Variants in ANK3 observed in about 807,000 individuals in gnomAD.
ANK3 encodes ankyrin 3.
Under a neutral mutation model 370.9 loss-of-function variants are expected in ANK3, and 57 were observed. That is an observed-to-expected ratio of 0.15 (90% CI 0.12 to 0.19). The LOEUF (loss-of-function observed/expected upper bound fraction) is 0.19, where lower values mean the gene tolerates loss of function less well. Ranked by LOEUF, ANK3 falls within the 10% of genes least tolerant of loss-of-function variation. ANK3 has a pLI of 1.00. For synonymous variants in ANK3, 1,929 were observed against 1,946.3 expected (o/e 0.99, Z 0.23); for missense variants, 4,439 against 5,302.1 (o/e 0.84, Z 5.06).
At chr10:60,158,156 A>G (rs533512003) in intron 23 of ANK3, among the ~76,000 whole-genome samples, 2 of 152,342 alleles carry the variant, frequency 1.3e-5, no homozygotes, top group Admixed American at 1.3e-4. Flanking sequence ...AAGCAAAGAT[A>G]CTTTCCCAGA....
intron 25 of ANK3, among the ~76,000 whole-genome samples, chr10:60,117,942 G>T (rs1475824803): frequency 1.3e-5 from 2 of 152,156 alleles, no homozygotes; most frequent in African/African-American, 4.8e-5. Context: ...GGAAATGGGA[G>T]GATACGAAGT....
chr10:60,611,664 A>G (rs560805431), intron 2 of ANK3, among the ~76,000 whole-genome samples: 4 of 152,062 alleles, frequency 2.6e-5, no homozygotes, highest in Admixed American at 2.6e-4. Context: ...TCAAAGACAA[A>G]AGAATTCTAC....
chr10:60,060,501 T>C (rs2131933415), intron 40 of ANK3: 1 of 152,344 alleles, frequency 6.6e-6, no homozygotes, highest in African/African-American at 2.4e-5. Context: ...GAACTGTACA[T>C]ATGAGCAAAG....
chr10:60,528,687 T>G (rs10994404), intron 2 of ANK3, among the ~76,000 whole-genome samples: 3 of 151,990 alleles, frequency 2.0e-5, no homozygotes, highest in Non-Finnish European at 4.4e-5. Context: ...TGTGGGGTGA[T>G]GCCCTGTGCA....
intron 13 of ANK3, among the ~76,000 whole-genome samples, chr10:60,199,697 A>G (rs2096643738): frequency 8.6e-6 from 1 of 116,094 alleles, no homozygotes. Flanking sequence ...GCTTGTGTAG[A>G]AAAAAAAAAA....
intron 42 of ANK3, among the ~76,000 whole-genome samples, chr10:60,054,510 T>C (rs934219101): frequency 2.0e-5 from 3 of 152,078 alleles, no homozygotes; most frequent in Non-Finnish European, 4.4e-5. Context: ...CAAAGCAACT[T>C]ACTTACAGGG....
intron 8 of ANK3, among the ~76,000 whole-genome samples, chr10:60,230,145 C>T (rs73269486): frequency 0.024 from 3,640 of 152,188 alleles, 141 homozygotes; most frequent in African/African-American, 0.08. Flanking sequence ...CAAAATGGTT[C>T]GGATTTAGGG....
intron 2 of ANK3, among the ~76,000 whole-genome samples, chr10:60,399,723 A>G (rs2063316479): frequency 6.6e-6 from 1 of 152,192 alleles, no homozygotes; most frequent in Non-Finnish European, 1.5e-5. Context: ...AGCCATCAGT[A>G]ATCAGTATCT....
chr10:60,435,435 GTCC>G (rs2064132556), intron 2 of ANK3, among the ~76,000 whole-genome samples: 1 of 152,004 alleles, frequency 6.6e-6, no homozygotes, highest in Admixed American at 6.6e-5. Flanking sequence ...CTCTAGGTGA[GTCC>G]TAATCACCAT....
At chr10:60,240,492 C>T (rs1035484675) in intron 7 of ANK3, among the ~76,000 whole-genome samples, 2 of 151,448 alleles carry the variant, frequency 1.3e-5, no homozygotes, top group Non-Finnish European at 2.9e-5. Context: ...TTAGTAGAGA[C>T]GAGGTTTCTC....
intron 21 of ANK3, among the ~76,000 whole-genome samples, 190 bp from the exon 22 acceptor site, chr10:60,167,086 AG>A: frequency 6.6e-6 from 1 of 152,342 alleles, no homozygotes; most frequent in East Asian, 1.9e-4. Flanking sequence ...TACAAAGCAC[AG>A]GAGTACAAAA....
chr10:60,096,178 T>G (rs1384556355), intron 28 of ANK3, among the ~76,000 whole-genome samples: 2 of 151,586 alleles, frequency 1.3e-5, no homozygotes, highest in Non-Finnish European at 2.9e-5. Flanking sequence ...ATCTCAAAAA[T>G]AAAGAAAGAA....
intron 2 of ANK3, among the ~76,000 whole-genome samples, chr10:60,578,817 A>G (rs1006696454): frequency 2.6e-5 from 4 of 152,232 alleles, no homozygotes; most frequent in African/African-American, 9.6e-5. Context: ...GGGATTAGAA[A>G]AGGAATTAGA....
At chr10:60,209,808 A>C (rs1249438851) in intron 9 of ANK3, among the ~76,000 whole-genome samples, 2 of 152,222 alleles carry the variant, frequency 1.3e-5, no homozygotes, top group African/African-American at 4.8e-5. Flanking sequence ...AAATCCCACA[A>C]AATCTGAGAG....
chr10:60,027,843 GA>G lies in ANK3; in HGVS notation c.*2002del, dbSNP rs1191779771. ...TCACAGTCAGGTTGTACAAATATAA[GA>G]AATGAGGCTGTGGCAGTGATACCTG... On this transcript the variant is annotated 3_prime_UTR_variant, in exon 44 of 44. Coordinates refer to ENST00000280772, the MANE Select transcript of ANK3 (RefSeq NM_020987.5). The G allele has an allele frequency of 6.6e-6, 1 of 152,156 alleles. No individual in the cohort carries two copies. Among genetic ancestry groups the G allele is most frequent in the African/African-American group, 2.4e-5 (1 of 41,436 alleles). 9.4% of individuals were successfully genotyped at this position (152,156 alleles called of 1,614,324 possible).
intron 2 of ANK3, among the ~76,000 whole-genome samples, chr10:60,474,628 G>A (rs1311408705): frequency 6.6e-6 from 1 of 152,180 alleles, no homozygotes; most frequent in Non-Finnish European, 1.5e-5. Flanking sequence ...CTTTCAAATA[G>A]TAATCACACC....
chr10:60,532,878 G>A (rs2133203036), intron 2 of ANK3, among the ~76,000 whole-genome samples: 1 of 152,186 alleles, frequency 6.6e-6, no homozygotes, highest in Non-Finnish European at 1.5e-5. Flanking sequence ...GTTGGGCAGG[G>A]AACAACCTGG....
At chr10:60,338,656 T>C (rs975586211) in intron 1 of ANK3, among the ~76,000 whole-genome samples, 71 of 152,098 alleles carry the variant, frequency 4.7e-4, no homozygotes, top group African/African-American at 1.7e-3. Context: ...ATTCATCATC[T>C]CCCATGGTGA....
At chr10:60,158,685 C>CTTTTCTTTTTT (rs1555028776) in intron 23 of ANK3, among the ~76,000 whole-genome samples, 11 of 132,710 alleles carry the variant, frequency 8.3e-5, no homozygotes, top group East Asian at 4.5e-4. Context: ...CACTTTTTTT[C>CTTTTCTTTTTT]TTTTTTTTGA....
Sources: allele counts gnomAD v4.1 joint callset (sites outside exome capture counted in the v4.1 genomes callset), GRCh38; gene constraint gnomAD v4.1.1; transcripts MANE v1.5; gene names NCBI Gene and HGNC (gene_info 2026-07-23, HGNC 2026-07-21).